The following TMEM94 variants were observed in gnomAD, a reference collection of about 807,000 sequenced individuals.
The protein encoded by TMEM94 is transmembrane protein 94.
In TMEM94, 81 loss-of-function variants were observed where a neutral mutation model predicts 158.6. The observed-to-expected ratio is 0.51, with a 90% CI of 0.43 to 0.61. The LOEUF (loss-of-function observed/expected upper bound fraction) is 0.61. TMEM94 is among the 20% of genes least tolerant of loss of function. The probability of loss-of-function intolerance (pLI) is 0.00; values close to 1 mark genes in which losing one functional copy is unlikely to be tolerated. For synonymous variants in TMEM94, 751 were observed against 730.7 expected (o/e 1.03, Z -0.45); for missense variants, 1,435 against 1,762.0 (o/e 0.81, Z 3.32).
chr17:75,496,607 T>A, intron 24 of TMEM94, 123 bp from the exon 25 acceptor site: 1 of 1,376,358 alleles, frequency 7.3e-7, no homozygotes, highest in Non-Finnish European at 1.0e-6. Context: ...GGCAGTTACA[T>A]TCGCCTCTGC....
At chr17:75,471,698 A>G (rs1380092924) in intron 1 of TMEM94, 102 bp from the exon 2 acceptor site, 1 of 511,040 alleles carries the variant, frequency 2.0e-6, no homozygotes, top group East Asian at 3.5e-5. Flanking sequence ...TGGGCGACAG[A>G]GTGAGACTCC....
chr17:75,457,574 A>T (rs2049933296), intron 1 of TMEM94: 1 of 152,144 alleles, frequency 6.6e-6, no homozygotes, highest in Non-Finnish European at 1.5e-5. Flanking sequence ...TGAGGGAAAA[A>T]AGGAGGGAGC....
Position 75,487,871 on chromosome 17 carries a change from A to G in TMEM94, c.410-61A>G. 1 of 1,430,024 alleles carries G rather than the reference A, an allele frequency of 7.0e-7. No individual in the cohort carries two copies. The highest frequency in any genetic ancestry group is 9.8e-7 in the Non-Finnish European group (1 of 1,020,094). 88.6% of individuals were successfully genotyped at this position (1,430,024 alleles called of 1,614,324 possible). On this transcript the variant is annotated intron_variant, in intron 5 of 31. Coordinates refer to ENST00000314256, the MANE Select transcript of TMEM94 (RefSeq NM_014738.6). This position sits in a 1 kb window ranked among gnomAD's most constrained non-coding sequence, Gnocchi z 4.6. The stretch of plus-strand genomic sequence containing the variant: ...ACAGTGCTTCCGGAAGTGCTGCTGT[A>G]TCTGACTGGGGGGCAGGGCCGTGGC...
At chr17:75,476,603 C>A in intron 2 of TMEM94, 1 of 1,185,532 alleles carries the variant, frequency 8.4e-7, no homozygotes, top group Non-Finnish European at 1.1e-6. Context: ...CTCTCCTCTT[C>A]TCTCTCTCTC....
At chr17:75,476,454 C>G in intron 2 of TMEM94, 4 of 1,359,476 alleles carry the variant, frequency 2.9e-6, no homozygotes, top group Non-Finnish European at 3.8e-6. Flanking sequence ...GGGCTGCTGC[C>G]TCCTCCTCCC....
Position 75,497,874 on chromosome 17 carries a change from A to G in TMEM94, c.3489+12A>G, listed in dbSNP as rs747547182. 6.2e-7 allele frequency: 1 copy of G among 1,608,296 alleles called. No individual in the cohort carries two copies. The highest frequency in any genetic ancestry group is 8.5e-7 in the Non-Finnish European group (1 of 1,174,904). The stretch of plus-strand genomic sequence containing the variant: ...CCATTCCCAAGAAGGTAAGCAAAAC[A>G]GACCCTGTGAGCCTTGCAAGTGAGC... On this transcript the variant is annotated intron_variant, in intron 27 of 31. Transcript: ENST00000314256.
In TMEM94 at chr17:75,494,662, A is replaced by T; in HGVS notation, c.2443A>T (p.Met815Leu). The change falls in exon 19 of 32, where the codon ATG becomes TTG. Residue 815 changes from methionine (M) to leucine (L), a missense_variant. By Grantham distance (15) the Met-to-Leu change is conservative. Transcript: ENST00000314256. ...GGAGGTGCTGGAGAAGGAAGACTGC[A>T]TGCAGGCCCTGAGCGGCCAGATCTT... ...IGEVLEKEDC[M>L]QALSGQIFMG... 1 of 1,613,698 alleles carries T rather than the reference A, an allele frequency of 6.2e-7. No individual in the cohort carries two copies. The highest frequency in any genetic ancestry group is 8.5e-7 in the Non-Finnish European group (1 of 1,180,028).
chr17:75,490,622 GC>G, intron 10 of TMEM94, 79 bp from the exon 11 acceptor site: 26 of 1,324,940 alleles, frequency 2.0e-5, no homozygotes, highest in African/African-American at 2.9e-5. Flanking sequence ...GCTGGTGTGG[GC>G]CCCCCCTCTG....
intron 2 of TMEM94, among the ~76,000 whole-genome samples, chr17:75,484,348 G>T: frequency 6.7e-6 from 1 of 148,980 alleles, no homozygotes; most frequent in Non-Finnish European, 1.5e-5. Flanking sequence ...GAGCTGGAAG[G>T]TTTTTTTCCT....
In TMEM94 at chr17:75,488,004, C is replaced by T. The variant is rs763666741; in HGVS notation, c.482C>T (p.Pro161Leu). 1 of 1,614,182 alleles carries T rather than the reference C, an allele frequency of 6.2e-7. No homozygotes were observed. The highest frequency in any genetic ancestry group is 2.2e-5 in the East Asian group (1 of 44,886). Reference protein sequence around the residue: ...MYPDLHMPFAPSWSLHWAYRD... With the variant: ...MYPDLHMPFALSWSLHWAYRD... ...CCAGACCTCCACATGCCTTTTGCGC[C>T]ATCCTGGTCCTTGCACTGGGCCTAC... The change falls in exon 6 of 32, where the codon CCA becomes CTA. Residue 161 changes from proline (P) to leucine (L), a missense_variant. Coordinates refer to ENST00000314256, the MANE Select transcript of TMEM94 (RefSeq NM_014738.6).
chr17:75,483,066 T>C (rs1213395334), intron 2 of TMEM94, among the ~76,000 whole-genome samples: 2 of 152,034 alleles, frequency 1.3e-5, no homozygotes, highest in Non-Finnish European at 2.9e-5. Flanking sequence ...AGCTGAGTCT[T>C]GAAGGAGAAG....
Position 75,459,976 on chromosome 17 carries a change from C to T in TMEM94, c.-107+3225C>T, listed in dbSNP as rs999223919. Among the ~76,000 whole-genome samples the T allele has an allele frequency of 3.9e-5, 6 of 152,240 alleles. No homozygotes were observed. The South Asian group carries it at 8.3e-4, about 21-fold the overall frequency. ...GGAATGCTTTTCTTCCGAGCAGACC[C>T]GCCAGCCAGAATGTGTGGTTTGGTG... On this transcript the variant is annotated intron_variant, in intron 1 of 31. Transcript: ENST00000314256.
intron 25 of TMEM94, 97 bp from the exon 26 acceptor site, chr17:75,497,016 C>A: frequency 2.6e-6 from 3 of 1,135,492 alleles, no homozygotes; most frequent in Non-Finnish European, 4.0e-6. Context: ...AGGATGTGAG[C>A]ATCTATCTGG....
chr17:75,492,376 G>A lies in TMEM94; in HGVS notation c.1597-98G>A, dbSNP rs1002749865. 22 of 1,468,872 alleles carry A rather than the reference G, an allele frequency of 1.5e-5. No homozygotes were observed. In the East Asian group the frequency reaches 5.1e-4, roughly 34 times the overall value. The allele number at this position is 1,468,872 out of a possible 1,614,324, so 91.0% of individuals were successfully genotyped here. A position where few individuals can be genotyped will look rare whatever the true frequency, so the allele number is the denominator to read the frequency against. ...CTCTCCTGGGAAGGGTGCCTTTCAG[G>A]GGCAGGAGCCCTCCCCAGCCTTGGG... is the stretch of plus-strand genomic sequence containing the variant. On this transcript the variant is annotated intron_variant, in intron 14 of 31. Transcript: ENST00000314256. The surrounding 1 kb of genome is among the most constrained non-coding windows in gnomAD (Gnocchi z 4.4).
At chr17:75,478,161 G>GC (rs2050841899) in intron 2 of TMEM94, among the ~76,000 whole-genome samples, 1 of 104,308 alleles carries the variant, frequency 9.6e-6, no homozygotes, top group Non-Finnish European at 2.0e-5. Context: ...GACGACAGGC[G>GC]CCCGCCACTA....
In TMEM94 at chr17:75,486,389, A is replaced by G; in HGVS notation, c.372A>G (p.Val124=). 2 of 1,614,194 alleles carry G rather than the reference A, an allele frequency of 1.2e-6. No homozygotes were observed. The highest frequency in any genetic ancestry group is 1.7e-6 in the Non-Finnish European group (2 of 1,180,018). ...AAGACCGGCTGAAGCGTCGGGAGGTAGAGCGGAGGCTGCGAGGGATCATTG... is the reference window on the plus strand; with the variant it reads ...AAGACCGGCTGAAGCGTCGGGAGGTGGAGCGGAGGCTGCGAGGGATCATTG... ...GRQDRLKRRE[V]ERRLRGIIDQ... The change falls in exon 5 of 32, where the codon GTA becomes GTG. Residue 124 remains valine (V), a synonymous_variant. Coordinates refer to ENST00000314256, the MANE Select transcript of TMEM94 (RefSeq NM_014738.6).
At chr17:75,497,009 A>T in intron 25 of TMEM94, 104 bp from the exon 26 acceptor site, 1 of 1,108,982 alleles carries the variant, frequency 9.0e-7, no homozygotes. Flanking sequence ...CTCTGGCAGG[A>T]TGTGAGCATC....
intron 9 of TMEM94, 186 bp from the exon 10 acceptor site, chr17:75,490,048 C>G (rs1197534320): frequency 1.3e-6 from 1 of 787,128 alleles, no homozygotes; most frequent in Non-Finnish European, 1.9e-6. Context: ...CACTGCCCTC[C>G]AGCCTGGCGA....
At chr17:75,476,421 C>A in intron 2 of TMEM94, 1 of 1,022,400 alleles carries the variant, frequency 9.8e-7, no homozygotes, top group Non-Finnish European at 1.3e-6. Flanking sequence ...CTTTCCTCTT[C>A]TCCCCTCCCT....
Sources: allele counts gnomAD v4.1 joint callset (sites outside exome capture counted in the v4.1 genomes callset), GRCh38; gene constraint gnomAD v4.1.1; non-coding constraint Gnocchi (gnomAD v3.1); transcripts MANE v1.5; gene names NCBI Gene and HGNC (gene_info 2026-07-23, HGNC 2026-07-21).